The following FHDC1 variants were observed in gnomAD, a reference collection of about 807,000 sequenced individuals.
The protein encoded by FHDC1 is FH2 domain containing 1, also known as FH2 domain-containing protein 1.
Under a neutral mutation model 52.6 loss-of-function variants are expected in FHDC1, and 25 were observed. The ratio of observed to expected loss-of-function variants is 0.48; its 90% CI spans 0.35 to 0.66. FHDC1 has a LOEUF of 0.66. Among genes scored for constraint, FHDC1 ranks in the 30% least tolerant of loss-of-function variants. The probability of loss-of-function intolerance (pLI) is 0.01; values close to 1 mark genes in which losing one functional copy is unlikely to be tolerated. For missense variants in FHDC1, 1,459 were observed against 1,452.8 expected (o/e 1.00, Z -0.07); for synonymous variants, 616 against 581.5 (o/e 1.06, Z -0.85).
chr4:152,943,234 T>TCCC lies in FHDC1; in HGVS notation c.179_180insCCC (p.Pro65dup). On this transcript the variant is annotated inframe_insertion, in exon 2 of 12. Coordinates refer to ENST00000511601, the MANE Select transcript of FHDC1 (RefSeq NM_001371116.1). ...GGGAAGAGTGTCCTTCCTCCCCTCC[T>TCCC]CCACCCCCACCACCTCCACTTCCTG... is the stretch of plus-strand genomic sequence containing the variant. 6.3e-6 allele frequency: 7 copies of TCCC among 1,107,444 alleles called. No homozygotes were observed. The South Asian group carries it at 6.8e-5, about 11-fold the overall frequency. The allele number at this position is 1,107,444 out of a possible 1,614,324, so 68.6% of individuals were successfully genotyped here. A position where few individuals can be genotyped will look rare whatever the true frequency, so the allele number is the denominator to read the frequency against.
the FHDC1 span, among the ~76,000 whole-genome samples, chr4:152,929,359 A>G: frequency 6.6e-6 from 1 of 152,340 alleles, no homozygotes; most frequent in Non-Finnish European, 1.5e-5. The surrounding 1 kb of genome is among the most constrained non-coding windows in gnomAD (Gnocchi z 4.1). Flanking sequence ...TTTGTCTCAC[A>G]TGAGCAGAGG....
intron 10 of FHDC1, among the ~76,000 whole-genome samples, chr4:152,970,935 A>T (rs948156923): frequency 2.6e-5 from 4 of 152,198 alleles, no homozygotes; most frequent in African/African-American, 9.7e-5. Flanking sequence ...CTTTAGCTTT[A>T]CCATTTCCCA....
Position 152,953,540 on chromosome 4 carries a change from A to G in FHDC1, c.540A>G (p.Ile180Met), listed in dbSNP as rs779166639. 6.2e-7 allele frequency: 1 copy of G among 1,612,294 alleles called. No individual in the cohort carries two copies. Among genetic ancestry groups the G allele is most frequent in the Admixed American group, 1.7e-5 (1 of 59,980 alleles). ...CAAAACGGAGCATGAACATTGGGAT[A>G]TTTCTTAAGCAATTTAAGAAGTAAG... ...LDAKRSMNIGIFLKQFKKSPR... is the reference protein window; with the variant it reads ...LDAKRSMNIGMFLKQFKKSPR... Residue 180 changes from isoleucine (I) to methionine (M), a missense_variant, in exon 3 of 12, where the codon ATA becomes ATG. By Grantham distance (10) the Ile-to-Met change is conservative. This residue lies in a region of FHDC1 where 513 missense variants were observed against 581.5 expected (regional missense o/e 0.88). Coordinates refer to ENST00000511601, the MANE Select transcript of FHDC1 (RefSeq NM_001371116.1).
At chr4:152,969,131 G>A (rs1039953535) in intron 10 of FHDC1, among the ~76,000 whole-genome samples, 9 of 151,324 alleles carry the variant, frequency 5.9e-5, no homozygotes, top group South Asian at 4.2e-4. Flanking sequence ...AGTCTTCAGC[G>A]AAAGGCTATG....
chr4:152,949,112 T>TAAGAAGAAGAAGAAGAAG (rs1301987979), intron 2 of FHDC1, among the ~76,000 whole-genome samples: 3 of 79,982 alleles, frequency 3.8e-5, no homozygotes, highest in African/African-American at 4.9e-5. Context: ...ATAATAATAA[T>TAAGAAGAAGAAGAAGAAG]AATAATAATA....
chr4:152,942,789 AATGCAACTTGG>A, intron 1 of FHDC1, 128 bp from the exon 2 acceptor site: 1 of 404,754 alleles, frequency 2.5e-6, no homozygotes, highest in Non-Finnish European at 4.4e-6. Flanking sequence ...GGGTCCTTGT[AATGCAACTTGG>A]GATGTGTTGC....
the FHDC1 span, among the ~76,000 whole-genome samples, chr4:152,925,017 AAAG>A: frequency 1.3e-5 from 2 of 151,872 alleles, no homozygotes; most frequent in African/African-American, 4.8e-5. Flanking sequence ...TAATAAAAAA[AAAG>A]AAGAAAAATA....
intron 1 of FHDC1, among the ~76,000 whole-genome samples, chr4:152,939,124 C>T (rs2149934242): frequency 6.6e-6 from 1 of 152,256 alleles, no homozygotes; most frequent in East Asian, 1.9e-4. Flanking sequence ...TCTGTCGCCA[C>T]GCTGGAGTGC....
In FHDC1 at chr4:152,975,183, C is replaced by G. The variant is rs750696123; in HGVS notation, c.1892C>G (p.Ala631Gly). 3 of 1,613,234 alleles carry G rather than the reference C, an allele frequency of 1.9e-6. No individual in the cohort carries two copies. The highest frequency in any genetic ancestry group is 2.5e-6 in the Non-Finnish European group (3 of 1,180,008). Residue 631 changes from alanine (A) to glycine (G), a missense_variant, in exon 12 of 12, where the codon GCC becomes GGC. By Grantham distance (60) the Ala-to-Gly change is moderately conservative. Around this residue, in one of 3 missense-constraint regions of FHDC1, gnomAD observed 939 missense variants for 854.5 expected, o/e 1.10. Transcript: ENST00000511601. ...GCAGCCGCCCAGCCTGAGAACCATG[C>G]CTCTGCCTTCCCCAGAGCTCGGCGC... ...QLAAAQPENHASAFPRARRQG... is the reference protein window; with the variant it reads ...QLAAAQPENHGSAFPRARRQG...
chr4:152,955,949 C>G (rs979709122), intron 4 of FHDC1, among the ~76,000 whole-genome samples: 1 of 152,164 alleles, frequency 6.6e-6, no homozygotes, highest in Non-Finnish European at 1.5e-5. Flanking sequence ...CCTGGCCGCT[C>G]TCTCTCCCTC....
Position 152,975,919 on chromosome 4 carries a change from G to C in FHDC1, c.2628G>C (p.Lys876Asn). 2.0e-6 allele frequency: 3 copies of C among 1,514,252 alleles called. No homozygotes were observed. Among genetic ancestry groups the C allele is most frequent in the Non-Finnish European group, 2.6e-6 (3 of 1,133,740 alleles). 93.8% of individuals were successfully genotyped at this position (1,514,252 alleles called of 1,614,324 possible). A position where few individuals can be genotyped will look rare whatever the true frequency, so the allele number is the denominator to read the frequency against. The change falls in exon 12 of 12, where the codon AAG becomes AAC. Residue 876 changes from lysine (K) to asparagine (N), a missense_variant. Lys to Asn is a moderately conservative substitution (Grantham distance 94). Coordinates refer to ENST00000511601, the MANE Select transcript of FHDC1 (RefSeq NM_001371116.1). ...SLKEASPGAS[K>N]PGSARRSQGA... Reference sequence around the variant, plus strand: ...AAGAGGCGTCTCCCGGGGCCTCCAAGCCCGGGAGCGCCCGGCGGAGCCAGG... The same window carrying C: ...AAGAGGCGTCTCCCGGGGCCTCCAACCCCGGGAGCGCCCGGCGGAGCCAGG...
At chr4:152,956,023 A>T (rs189997857) in intron 4 of FHDC1, among the ~76,000 whole-genome samples, 55 of 152,330 alleles carry the variant, frequency 3.6e-4, no homozygotes, top group Middle Eastern at 3.4e-3. Context: ...AGCAGTTATT[A>T]ATGTTAGTAG....
chr4:152,935,965 T>G (rs1739356652), upstream of FHDC1, among the ~76,000 whole-genome samples: 1 of 151,882 alleles, frequency 6.6e-6, no homozygotes, highest in African/African-American at 2.4e-5. Flanking sequence ...GCTTGGCGCC[T>G]CCTCTCGCCC....
intron 11 of FHDC1, among the ~76,000 whole-genome samples, chr4:152,974,274 T>C (rs1227410991): frequency 6.6e-6 from 1 of 152,236 alleles, no homozygotes; most frequent in Non-Finnish European, 1.5e-5. Flanking sequence ...CTGTGTCTTA[T>C]ACTGCTCAGA....
chr4:152,945,709 G>A (rs958745894), intron 2 of FHDC1, among the ~76,000 whole-genome samples: 1 of 152,122 alleles, frequency 6.6e-6, no homozygotes, highest in Non-Finnish European at 1.5e-5. Flanking sequence ...CGCCCACCTC[G>A]GCCTCCCAAA....
chr4:152,925,037 A>T, the FHDC1 span, among the ~76,000 whole-genome samples: 1,211 of 152,150 alleles, frequency 8.0e-3, 3 homozygotes, highest in Non-Finnish European at 0.014. Context: ...AATAAATAAA[A>T]AATTAAATTT....
the FHDC1 span, among the ~76,000 whole-genome samples, chr4:152,928,746 A>G: frequency 3.3e-5 from 5 of 152,010 alleles, no homozygotes; most frequent in African/African-American, 4.8e-5. Context: ...TTGTGTGACT[A>G]AGTAAAGATG....
chr4:152,951,751 T>C (rs543464587), intron 2 of FHDC1, among the ~76,000 whole-genome samples: 2 of 152,274 alleles, frequency 1.3e-5, no homozygotes, highest in African/African-American at 2.4e-5. Flanking sequence ...TAGTCTCCCG[T>C]TACCAAAAAA....
intron 2 of FHDC1, among the ~76,000 whole-genome samples, chr4:152,950,279 C>T (rs1438645664): frequency 6.6e-6 from 1 of 152,190 alleles, no homozygotes; most frequent in Non-Finnish European, 1.5e-5. Context: ...TGATAACCCT[C>T]TTTAAAGGAC....
Sources: gnomAD v4.1 joint callset for allele counts (sites outside exome capture counted in the v4.1 genomes callset) on GRCh38, gnomAD v4.1.1 for gene constraint, gnomAD v4.1.1 regional missense constraint, Gnocchi (gnomAD v3.1) non-coding constraint, MANE v1.5 for transcripts, NCBI Gene and HGNC (gene_info 2026-07-23, HGNC 2026-07-21) for gene names.